Variants in DST observed in about 807,000 individuals in gnomAD.
DST encodes the protein bullous pemphigoid antigen.
Under a neutral mutation model 875.2 loss-of-function variants are expected in DST, and 253 were observed. That is an observed-to-expected ratio of 0.29 (90% CI 0.26 to 0.32). The LOEUF (loss-of-function observed/expected upper bound fraction) is 0.32, where lower values mean the gene tolerates loss of function less well. Ranked by LOEUF, DST falls within the 10% of genes least tolerant of loss-of-function variation. The pLI is 1.00. For synonymous variants in DST, 3,124 were observed against 3,197.1 expected (o/e 0.98, Z 0.77); for missense variants, 8,287 against 9,111.6 (o/e 0.91, Z 3.68).
intron 75 of DST, 130 bp from the exon 76 acceptor site, chr6:56,506,919 T>C (rs2096334874): frequency 2.0e-6 from 2 of 986,054 alleles, no homozygotes; most frequent in Non-Finnish European, 2.8e-6. Context: ...TTTTCTAAGT[T>C]TCTGCAATAA....
intron 3 of DST, among the ~76,000 whole-genome samples, chr6:56,857,791 T>G (rs1591756891): frequency 6.6e-6 from 1 of 152,232 alleles, no homozygotes; most frequent in East Asian, 1.9e-4. Context: ...TATCCTTATA[T>G]GACTAGTTTT....
At chr6:56,770,914 A>C (rs2099656940) in intron 4 of DST, among the ~76,000 whole-genome samples, 1 of 151,594 alleles carries the variant, frequency 6.6e-6, no homozygotes, top group South Asian at 2.1e-4. Context: ...GCAGGAGAAT[A>C]GCTTGAACCC....
Position 56,605,069 on chromosome 6 carries a change from A to G in DST, c.9559T>C (p.Cys3187Arg), listed in dbSNP as rs1360591718. 7 of 1,612,638 alleles carry G rather than the reference A, an allele frequency of 4.3e-6. No homozygotes were observed. The highest frequency in any genetic ancestry group is 5.9e-6 in the Non-Finnish European group (7 of 1,179,310). ...ELDLFTYLKH[C>R]AKNIKAKDVA... ...TCTTTTGCTTTTATATTTTTAGCAC[A>G]ATGTTTTAAGTAAGTAAACAGATCA... The change falls in exon 40 of 104, where the codon TGT (cysteine) becomes CGT (arginine). Residue 3187 changes from cysteine to arginine, a missense_variant. Transcript: ENST00000680361.
intron 82 of DST, among the ~76,000 whole-genome samples, chr6:56,494,765 T>C (rs1240802639): frequency 6.6e-6 from 1 of 152,136 alleles, no homozygotes; most frequent in Non-Finnish European, 1.5e-5. Context: ...AACTAGAATG[T>C]TGTATGTATC....
rs2097014497 is a variant in DST, at chr6:56,536,906, C to T, written c.16643G>A (p.Gly5548Asp). Residue 5548 changes from glycine (G) to aspartate (D), a missense_variant, in exon 62 of 104, where the codon GGT becomes GAT. Around this residue, in one of 10 missense-constraint regions of DST, gnomAD observed 777 missense variants for 764.8 expected, o/e 1.02. Transcript: ENST00000680361. ...TAACCAGTTTACATCTTGCTGTTTA[C>T]CTTGCAAGGGTTCAATCTCTTCTTT... The part of the protein sequence containing the change: ...FQKEEIEPLQ[G>D]KQQDVNWLGQ... 1.9e-6 allele frequency: 3 copies of T among 1,613,748 alleles called. No individual in the cohort carries two copies. The highest frequency in any genetic ancestry group is 1.1e-5 in the South Asian group (1 of 91,054).
At chr6:56,576,224 C>T (rs2097861099) in intron 50 of DST, among the ~76,000 whole-genome samples, 1 of 152,178 alleles carries the variant, frequency 6.6e-6, no homozygotes, top group Admixed American at 6.5e-5. Flanking sequence ...TCTCCCATAC[C>T]TCACCCTGTG....
intron 2 of DST, among the ~76,000 whole-genome samples, chr6:56,903,627 T>G (rs1300576927): frequency 6.6e-6 from 1 of 152,074 alleles, no homozygotes; most frequent in East Asian, 1.9e-4. Flanking sequence ...GCCCGGCTAA[T>G]TTTTGTATTT....
intron 16 of DST, 151 bp downstream of exon 16, chr6:56,642,259 G>T: frequency 1.2e-6 from 1 of 867,484 alleles, no homozygotes; most frequent in Non-Finnish European, 1.9e-6. Flanking sequence ...TCTCTCAAGA[G>T]AGCAAACACC....
chr6:56,636,777 T>C, intron 22 of DST, 125 bp from the exon 23 acceptor site: 2 of 857,160 alleles, frequency 2.3e-6, no homozygotes, highest in Middle Eastern at 2.2e-4. Context: ...TTTGGCAGAA[T>C]AAGACTTGGA....
chr6:56,927,579 TTCTAGAAGTG>T (rs200479422), intron 2 of DST, among the ~76,000 whole-genome samples: 1,778 of 152,266 alleles, frequency 0.012, 34 homozygotes, highest in East Asian at 0.039. Flanking sequence ...GTTACAGAAA[TTCTAGAAGTG>T]TCTAGAAGTG....
At chr6:56,872,514 T>A (rs1010050342) in intron 3 of DST, among the ~76,000 whole-genome samples, 4 of 151,994 alleles carry the variant, frequency 2.6e-5, no homozygotes, top group African/African-American at 9.7e-5. Context: ...AGAGTAAGAC[T>A]CCACCTCTAA....
In DST at chr6:56,511,309, C is replaced by G. The variant is rs1340311886; in HGVS notation, c.18668G>C (p.Gly6223Ala). 8 of 1,606,044 alleles carry G rather than the reference C, an allele frequency of 5.0e-6. No homozygotes were observed. The highest frequency in any genetic ancestry group is 1.3e-5 in the African/African-American group (1 of 74,820). Reference protein sequence around the residue: ...PQLLELSPGEGFSIQEKYVAA... With the variant: ...PQLLELSPGEAFSIQEKYVAA... ...CACATACTTCTCTTGGATAGAAAAGCCTTCCCCAGGGCTCAATTCCAGTAA... is the reference window on the plus strand; with the variant it reads ...CACATACTTCTCTTGGATAGAAAAGGCTTCCCCAGGGCTCAATTCCAGTAA... Residue 6223 changes from glycine (G) to alanine (A), a missense_variant, in exon 73 of 104, where the codon GGC (glycine) becomes GCC (alanine). Gly to Ala is a moderately conservative substitution (Grantham distance 60). Coordinates refer to ENST00000680361, the MANE Select transcript of DST (RefSeq NM_001374736.1).
rs192226179 is a variant in DST at position 56,538,297 on chromosome 6, G to A, written c.16609-1357C>T. 1.5e-3 allele frequency among the ~76,000 whole-genome samples: 225 copies of A among 152,190 alleles called. 1 individual carries two copies. The highest frequency in any genetic ancestry group is 5.2e-3 in the African/African-American group (214 of 41,524). On this transcript the variant is annotated intron_variant, in intron 61 of 103. Coordinates refer to ENST00000680361, the MANE Select transcript of DST (RefSeq NM_001374736.1). ...GAGCCAACTCTTTCATAGATAATAT[G>A]TTTTTAATATAGGGCTTGGAGGATG...
chr6:56,642,865 C>T (rs1026645146), intron 15 of DST: 88 of 1,602,936 alleles, frequency 5.5e-5, no homozygotes, highest in Non-Finnish European at 7.0e-5. Context: ...AAAAGCTCTA[C>T]TTCTAACGGT....
intron 3 of DST, among the ~76,000 whole-genome samples, chr6:56,900,146 A>G (rs1423146525): frequency 6.6e-6 from 1 of 152,176 alleles, no homozygotes; most frequent in African/African-American, 2.4e-5. Context: ...CTCATTCTAG[A>G]ACTCCAGCTT....
intron 4 of DST, chr6:56,742,235 A>C (rs1247868237): frequency 8.2e-7 from 1 of 1,223,724 alleles, no homozygotes; most frequent in Admixed American, 2.3e-5. Flanking sequence ...CCAGTTCTGA[A>C]AACATGAAAG....
At chr6:56,471,839 T>C in intron 94 of DST, 1 of 577,408 alleles carries the variant, frequency 1.7e-6, no homozygotes. Context: ...ATCATTTTTT[T>C]TACTTCATTG....
rs968494885 is a variant in DST, at chr6:56,627,432, G to A, written c.4639-145C>T. ...CACTTAATACACAACTTGCCTTATG[G>A]GAAAATTACAAACTTTCAGATTAAG... On this transcript the variant is annotated intron_variant, in intron 33 of 103. Transcript: ENST00000680361. The A allele has an allele frequency of 8.5e-6, 6 of 705,710 alleles. No individual in the cohort carries two copies. The African/African-American group carries it at 1.1e-4, about 12-fold the overall frequency. 43.7% of individuals were successfully genotyped at this position (705,710 alleles called of 1,614,324 possible).
rs373800361 is a variant in DST, at chr6:56,606,037, T to C, written c.8591A>G (p.His2864Arg). Residue 2864 changes from histidine (H) to arginine (R), a missense_variant, in exon 40 of 104, where the codon CAC becomes CGC. By Grantham distance (29) the His-to-Arg change is conservative. Around this residue, in one of 10 missense-constraint regions of DST, gnomAD observed 3,138 missense variants for 3,116.6 expected, o/e 1.01. Coordinates refer to ENST00000680361, the MANE Select transcript of DST (RefSeq NM_001374736.1). ...CTGTTTTTCTAAAGAGCTACAACTG[T>C]GCATTTTATCCAGAAGAATCATTGT... is the stretch of plus-strand genomic sequence containing the variant. ...INTMILLDKM[H>R]SCSSLEKQQR... 4.3e-6 allele frequency: 7 copies of C among 1,612,834 alleles called. No homozygotes were observed. The African/African-American group carries it at 5.3e-5, about 12-fold the overall frequency.
Sources: gnomAD v4.1 joint callset for allele counts (sites outside exome capture counted in the v4.1 genomes callset) on GRCh38, gnomAD v4.1.1 for gene constraint, gnomAD v4.1.1 regional missense constraint, MANE v1.5 for transcripts, NCBI Gene and HGNC (gene_info 2026-07-23, HGNC 2026-07-21) for gene names.